Variants in MRPL19 observed in about 807,000 individuals in gnomAD.
The protein encoded by MRPL19 is mitochondrial ribosomal protein L19.
In MRPL19, 31 loss-of-function variants were observed where a neutral mutation model predicts 34.0. The ratio of observed to expected loss-of-function variants is 0.91; its 90% CI spans 0.68 to 1.23. MRPL19 has a LOEUF of 1.23. Among genes scored for constraint, MRPL19 ranks in the 50% most tolerant of loss-of-function variants. The pLI is 0.00. For missense variants in MRPL19, 384 were observed against 367.6 expected (o/e 1.04, Z -0.37); for synonymous variants, 152 against 127.7 (o/e 1.19, Z -1.28).
At chr2:75,648,439 A>C (rs1465817028) in intron 2 of MRPL19, among the ~76,000 whole-genome samples, 1 of 152,222 alleles carries the variant, frequency 6.6e-6, no homozygotes, top group African/African-American at 2.4e-5. Context: ...CATATGACAG[A>C]ATATTGTATA....
chr2:75,647,143 T>A lies in MRPL19; in HGVS notation c.145T>A (p.Ser49Thr). Reference protein sequence around the residue: ...GPVRQQSTGPSEPGAFQPPPK... With the variant: ...GPVRQQSTGPTEPGAFQPPPK... Reference sequence around the variant, plus strand: ...TGTCCGGCAGCAGAGCACTGGGCCTTCCGAGCCCGGTGCGTTCCAACCGCC... The same window carrying A: ...TGTCCGGCAGCAGAGCACTGGGCCTACCGAGCCCGGTGCGTTCCAACCGCC... The change falls in exon 2 of 6, where the codon TCC (serine) becomes ACC (threonine). Residue 49 changes from serine to threonine, a missense_variant. Coordinates refer to ENST00000393909, the MANE Select transcript of MRPL19 (RefSeq NM_014763.4). 1 of 1,580,322 alleles carries A rather than the reference T, an allele frequency of 6.3e-7. No homozygotes were observed. The highest frequency in any genetic ancestry group is 8.6e-7 in the Non-Finnish European group (1 of 1,162,506).
Position 75,647,216 on chromosome 2 carries a change from G to A in MRPL19, c.218G>A (p.Arg73His), listed in dbSNP as rs370208064. Residue 73 changes from arginine (R) to histidine (H), a missense_variant, in exon 2 of 6, where the codon CGC becomes CAC. Coordinates refer to ENST00000393909, the MANE Select transcript of MRPL19 (RefSeq NM_014763.4). The part of the protein sequence containing the change: ...VDKHRPVEPE[R>H]RFLSPEFIPR... ...AAGCACCGCCCCGTGGAACCGGAAC[G>A]CAGGTGAGGCACTGCCCTGGCGCTA... is the stretch of plus-strand genomic sequence containing the variant. 3.9e-5 allele frequency: 62 copies of A among 1,578,934 alleles called. No homozygotes were observed. Among genetic ancestry groups the A allele is most frequent in the Non-Finnish European group, 5.1e-5 (59 of 1,162,148 alleles).
rs888531748 is a variant in MRPL19, at chr2:75,649,911, C to T, written c.222-2231C>T. Among the ~76,000 whole-genome samples, 7 of 152,198 alleles carry T rather than the reference C, an allele frequency of 4.6e-5. No homozygotes were observed. In the South Asian group the frequency reaches 8.3e-4, roughly 18 times the overall value. ...GCCTCCCAAGTGTTGGGATAACAGA[C>T]GTAAGCTACCACACCTGGCTGACAT... On this transcript the variant is annotated intron_variant, in intron 2 of 5. Coordinates refer to ENST00000393909, the MANE Select transcript of MRPL19 (RefSeq NM_014763.4).
intron 2 of MRPL19, among the ~76,000 whole-genome samples, chr2:75,648,761 C>T (rs113709764): frequency 3.4e-4 from 51 of 151,798 alleles, no homozygotes; most frequent in African/African-American, 1.2e-3. Flanking sequence ...CCCAGTTACT[C>T]GAGAGGCTGA....
chr2:75,649,330 G>T (rs1277637151), intron 2 of MRPL19, among the ~76,000 whole-genome samples: 1 of 152,106 alleles, frequency 6.6e-6, no homozygotes, highest in Non-Finnish European at 1.5e-5. Context: ...GACCAAGCTT[G>T]TCCAACCCAC....
Position 75,655,417 on chromosome 2 carries a change from T to G in MRPL19, c.*132T>G. Reference sequence around the variant, plus strand: ...AAGCATTCATTGTTTTATTAATACTTTTTTTCTAAAATAAAACTTGTACAC... The same window carrying G: ...AAGCATTCATTGTTTTATTAATACTGTTTTTCTAAAATAAAACTTGTACAC... On this transcript the variant is annotated 3_prime_UTR_variant, in exon 6 of 6. Coordinates refer to ENST00000393909, the MANE Select transcript of MRPL19 (RefSeq NM_014763.4). The G allele has an allele frequency of 1.4e-6, 1 of 695,734 alleles. No individual in the cohort carries two copies. The highest frequency in any genetic ancestry group is 2.9e-5 in the East Asian group (1 of 34,946). The allele number at this position is 695,734 out of a possible 1,614,324, so 43.1% of individuals were successfully genotyped here.
Position 75,656,583 on chromosome 2 carries a change from A to T in MRPL19, c.*1298A>T, listed in dbSNP as rs1463958778. ...ACCTTGCATGTCTCATGTTTGATTG[A>T]TACTTTATACGTTTAGGTAGGAGGT... On this transcript the variant is annotated 3_prime_UTR_variant, in exon 6 of 6. Transcript: ENST00000393909. The T allele has an allele frequency of 6.6e-6, 1 of 152,098 alleles. No individual in the cohort carries two copies. The highest frequency in any genetic ancestry group is 2.4e-5 in the African/African-American group (1 of 41,424). The allele number at this position is 152,098 out of a possible 1,614,324, so 9.4% of individuals were successfully genotyped here. A position where few individuals can be genotyped will look rare whatever the true frequency, so the allele number is the denominator to read the frequency against.
chr2:75,654,673 A>G (rs1678399065), intron 4 of MRPL19, 63 bp from the exon 5 acceptor site: 2 of 1,425,054 alleles, frequency 1.4e-6, no homozygotes, highest in Non-Finnish European at 1.9e-6. Context: ...CTTTTACTGC[A>G]GTATGAAACA....
Position 75,648,897 on chromosome 2 carries a change from A to G in MRPL19, c.221+1678A>G, listed in dbSNP as rs182999134. 7.7e-4 allele frequency among the ~76,000 whole-genome samples: 118 copies of G among 152,294 alleles called. 1 individual carries two copies. The highest frequency in any genetic ancestry group is 4.8e-3 in the South Asian group (23 of 4,820). The stretch of plus-strand genomic sequence containing the variant: ...AAAAAACAAAAACAAAATTATACGA[A>G]ACAATATATGTTGCCCAGACATACA... On this transcript the variant is annotated intron_variant, in intron 2 of 5. Transcript: ENST00000393909.
At position 75,656,769 on chromosome 2, in the gene MRPL19, A is replaced by G. The variant is rs1030028922; in HGVS notation, c.*1484A>G. The G allele has an allele frequency of 6.6e-6, 1 of 151,850 alleles. No homozygotes were observed. The highest frequency in any genetic ancestry group is 2.4e-5 in the African/African-American group (1 of 41,338). The allele number at this position is 151,850 out of a possible 1,614,324, so 9.4% of individuals were successfully genotyped here. A position where few individuals can be genotyped will look rare whatever the true frequency, so the allele number is the denominator to read the frequency against. ...ATCCATTGTATTGGGTTTTAGGTGA[A>G]CCCTTCCAGATAGTAACTCATTTCT... On this transcript the variant is annotated 3_prime_UTR_variant, in exon 6 of 6. Coordinates refer to ENST00000393909, the MANE Select transcript of MRPL19 (RefSeq NM_014763.4).
At chr2:75,652,790 G>A (rs1678360191) in intron 4 of MRPL19, 133 bp downstream of exon 4, 1 of 958,366 alleles carries the variant, frequency 1.0e-6, no homozygotes, top group Non-Finnish European at 1.5e-6. Context: ...TGGAGCCTGT[G>A]GCTTTAGAAT....
Position 75,659,838 on chromosome 2 carries a change from G to A in MRPL19, c.*4553G>A, listed in dbSNP as rs368255983. ...TCTTTTGACAGTTTGATTATAACGC[G>A]GCTCAGTGTGGGTCTCTGAGTTTAT... On this transcript the variant is annotated 3_prime_UTR_variant, in exon 6 of 6. Coordinates refer to ENST00000393909, the MANE Select transcript of MRPL19 (RefSeq NM_014763.4). 2.6e-5 allele frequency among the ~76,000 whole-genome samples: 4 copies of A among 152,076 alleles called. No individual in the cohort carries two copies. Among genetic ancestry groups the A allele is most frequent in the Non-Finnish European group, 5.9e-5 (4 of 67,990 alleles).
chr2:75,646,838 G>A lies in MRPL19; in HGVS notation c.31G>A (p.Ala11Thr), dbSNP rs755242125. 15 of 1,589,498 alleles carry A rather than the reference G, an allele frequency of 9.4e-6. No homozygotes were observed. Among genetic ancestry groups the A allele is most frequent in the Non-Finnish European group, 1.3e-5 (15 of 1,168,006 alleles). ...GGCCTGCATTGCAGCGGGGCACTGGGCTGCAATGGGCCTAGGCCGGAGTTT... is the reference window on the plus strand; with the variant it reads ...GGCCTGCATTGCAGCGGGGCACTGGACTGCAATGGGCCTAGGCCGGAGTTT... MAACIAAGHW[A>T]AMGLGRSFQA... The change falls in exon 1 of 6, where the codon GCT (alanine) becomes ACT (threonine). Residue 11 changes from alanine (A) to threonine (T), a missense_variant. Coordinates refer to ENST00000393909, the MANE Select transcript of MRPL19 (RefSeq NM_014763.4).
At chr2:75,648,817 C>T (rs767872463) in intron 2 of MRPL19, among the ~76,000 whole-genome samples, 9 of 152,096 alleles carry the variant, frequency 5.9e-5, no homozygotes, top group South Asian at 2.1e-4. Flanking sequence ...TGCAGTGAGC[C>T]GAGATCGTGC....
rs912581912 is a variant in MRPL19 at position 75,660,691 on chromosome 2, A to G, written c.*5406A>G. 7.9e-5 allele frequency: 12 copies of G among 152,190 alleles called. No individual in the cohort carries two copies. Among genetic ancestry groups the G allele is most frequent in the African/African-American group, 2.7e-4 (11 of 41,452 alleles). The allele number at this position is 152,190 out of a possible 1,614,324, so 9.4% of individuals were successfully genotyped here. On this transcript the variant is annotated 3_prime_UTR_variant, in exon 6 of 6. Coordinates refer to ENST00000393909, the MANE Select transcript of MRPL19 (RefSeq NM_014763.4). ...AAACTAGCAGAAAAATCTCTCTCCC[A>G]GTCTTTCCAGTCTTTGTAGATTGGT...
At chr2:75,652,421 G>A in intron 3 of MRPL19, 102 bp from the exon 4 acceptor site, 1 of 1,426,430 alleles carries the variant, frequency 7.0e-7, no homozygotes, top group Non-Finnish European at 9.6e-7. Context: ...AGGAAGTTAA[G>A]TTATCTAGAA....
Position 75,647,203 on chromosome 2 carries a change from G to C in MRPL19, c.205G>C (p.Val69Leu), listed in dbSNP as rs1678243021. 1.3e-6 allele frequency: 2 copies of C among 1,580,606 alleles called. No homozygotes were observed. Among genetic ancestry groups the C allele is most frequent in the East Asian group, 4.7e-5 (2 of 42,980 alleles). ...GGTCATCGTGGACAAGCACCGCCCC[G>C]TGGAACCGGAACGCAGGTGAGGCAC... is the stretch of plus-strand genomic sequence containing the variant. ...KPVIVDKHRP[V>L]EPERRFLSPE... The change falls in exon 2 of 6, where the codon GTG becomes CTG. Residue 69 changes from valine to leucine, a missense_variant. Transcript: ENST00000393909.
chr2:75,653,465 AC>A (rs1344402907), intron 4 of MRPL19, among the ~76,000 whole-genome samples: 1 of 152,134 alleles, frequency 6.6e-6, no homozygotes, highest in African/African-American at 2.4e-5. Context: ...AATAGTTTCT[AC>A]TCTACATGGT....
rs1678489967 is a variant in MRPL19, at chr2:75,657,636, C to T, written c.*2351C>T. ...CTATTAAAACCTGTTCTTTTTCTGT[C>T]TTGATAAACACACTTCAATCTTGGT... On this transcript the variant is annotated 3_prime_UTR_variant, in exon 6 of 6. Coordinates refer to ENST00000393909, the MANE Select transcript of MRPL19 (RefSeq NM_014763.4). 6.6e-6 allele frequency: 1 copy of T among 152,034 alleles called. No homozygotes were observed. Among genetic ancestry groups the T allele is most frequent in the South Asian group, 2.1e-4 (1 of 4,828 alleles). 9.4% of individuals were successfully genotyped at this position (152,034 alleles called of 1,614,324 possible). A position where few individuals can be genotyped will look rare whatever the true frequency, so the allele number is the denominator to read the frequency against.
Sources: gnomAD v4.1 joint callset for allele counts (sites outside exome capture counted in the v4.1 genomes callset) on GRCh38, gnomAD v4.1.1 for gene constraint, MANE v1.5 for transcripts, NCBI Gene and HGNC (gene_info 2026-07-23, HGNC 2026-07-21) for gene names.